The following ERP27 variants were observed in gnomAD, a reference collection of about 807,000 sequenced individuals.
The protein encoded by ERP27 is endoplasmic reticulum protein 27.
ERP27 carries 23 observed loss-of-function variants against 27.7 expected under a neutral mutation model. The observed-to-expected ratio is 0.83, with a 90% confidence interval of 0.60 to 1.18. The LOEUF is 1.18. ERP27 is among the 50% of genes most tolerant of loss of function. The probability of loss-of-function intolerance (pLI) is 0.00; values close to 1 mark genes in which losing one functional copy is unlikely to be tolerated. For missense variants in ERP27, 363 were observed against 327.9 expected, an observed-to-expected ratio of 1.11 and a Z score of -0.83; for synonymous variants, 159 against 118.3, an observed-to-expected ratio of 1.34 and a Z score of -2.23.
At chr12:14,915,078 A>G (rs117725740) in intron 6 of ERP27, among the ~76,000 whole-genome samples, 2 of 152,310 alleles carry the variant, frequency 1.3e-5, no homozygotes, top group Non-Finnish European at 2.9e-5. Flanking sequence ...TAGAGCCCAA[A>G]TAATTTTTTT....
At chr12:14,916,849 T>C (rs1385128227) in intron 5 of ERP27, among the ~76,000 whole-genome samples, 1 of 152,198 alleles carries the variant, frequency 6.6e-6, no homozygotes, top group East Asian at 1.9e-4. Flanking sequence ...TCTAAATCTC[T>C]ATGAAATTAT....
At chr12:14,934,597 G>T (rs1863747209) in intron 3 of ERP27, among the ~76,000 whole-genome samples, 1 of 152,142 alleles carries the variant, frequency 6.6e-6, no homozygotes, top group African/African-American at 2.4e-5. Flanking sequence ...TTAAGTGACT[G>T]CCCAAAGTCA....
chr12:14,923,535 CTA>C (rs1265258602), intron 3 of ERP27, among the ~76,000 whole-genome samples: 1 of 151,288 alleles, frequency 6.6e-6, no homozygotes, highest in African/African-American at 2.4e-5. Flanking sequence ...ATCTATCTAT[CTA>C]TATTACCTAT....
chr12:14,938,350 T>C (rs1863803348), intron 1 of ERP27, 65 bp downstream of exon 1: 2 of 1,504,888 alleles, frequency 1.3e-6, no homozygotes, highest in Non-Finnish European at 1.9e-6. Flanking sequence ...AGAACCACCA[T>C]GCTCCCTTTC....
At chr12:14,929,620 T>G (rs1158670209) in intron 3 of ERP27, among the ~76,000 whole-genome samples, 1 of 152,300 alleles carries the variant, frequency 6.6e-6, no homozygotes, top group African/African-American at 2.4e-5. Flanking sequence ...AAAACAGAAA[T>G]AGTAAACTGG....
chr12:14,914,704 A>C lies in ERP27; in HGVS notation c.*31T>G. ...TGCCTTTTTACTTTGCATAAAGTAG[A>C]TACTTGGCCATATGTAGTTCCAAGG... On this transcript the variant is annotated 3_prime_UTR_variant, in exon 7 of 7. Coordinates refer to ENST00000266397, the MANE Select transcript of ERP27 (RefSeq NM_152321.4). 6.2e-7 allele frequency: 1 copy of C among 1,600,150 alleles called. No homozygotes were observed.
At chr12:14,931,844 A>T (rs1437894980) in intron 3 of ERP27, among the ~76,000 whole-genome samples, 1 of 152,144 alleles carries the variant, frequency 6.6e-6, no homozygotes, top group African/African-American at 2.4e-5. Context: ...AGAAAGAAGT[A>T]GGTGTGGAGT....
intron 3 of ERP27, among the ~76,000 whole-genome samples, chr12:14,922,148 A>C (rs1863513983): frequency 6.6e-6 from 1 of 152,318 alleles, no homozygotes; most frequent in Admixed American, 6.5e-5. Context: ...GTATCCACTG[A>C]GCATATACCT....
intron 3 of ERP27, among the ~76,000 whole-genome samples, chr12:14,927,885 G>T (rs1863630701): frequency 6.6e-6 from 1 of 152,050 alleles, no homozygotes; most frequent in Non-Finnish European, 1.5e-5. Flanking sequence ...TTCAGAACAA[G>T]CTTTCCACCA....
intron 3 of ERP27, chr12:14,928,815 C>A (rs1863651469): frequency 2.3e-6 from 2 of 868,498 alleles, no homozygotes; most frequent in South Asian, 3.1e-5. Context: ...TTAGGTAGAT[C>A]CTTGCCCACC....
At chr12:14,933,289 G>A (rs1316250612) in intron 3 of ERP27, among the ~76,000 whole-genome samples, 2 of 152,162 alleles carry the variant, frequency 1.3e-5, no homozygotes, top group Non-Finnish European at 2.9e-5. Flanking sequence ...AGGTCTCAAA[G>A]AGATTATAAA....
At chr12:14,925,704 A>G (rs575185702) in intron 3 of ERP27, among the ~76,000 whole-genome samples, 1 of 152,180 alleles carries the variant, frequency 6.6e-6, no homozygotes, top group Non-Finnish European at 1.5e-5. Context: ...AATGTTTATC[A>G]GGTCACTTGG....
intron 5 of ERP27, among the ~76,000 whole-genome samples, chr12:14,916,802 C>T (rs931992446): frequency 1.3e-5 from 2 of 152,034 alleles, no homozygotes; most frequent in African/African-American, 4.8e-5. Context: ...GCACCAGGTA[C>T]TTGATAGGTG....
At chr12:14,938,286 C>CT in intron 1 of ERP27, 129 bp downstream of exon 1, 1 of 681,416 alleles carries the variant, frequency 1.5e-6, no homozygotes, top group Non-Finnish European at 2.3e-6. Flanking sequence ...AGGCAAAATG[C>CT]ACTTATCCAG....
At chr12:14,929,154 C>T in intron 3 of ERP27, 1 of 1,414,270 alleles carries the variant, frequency 7.1e-7, no homozygotes, top group South Asian at 1.6e-5. Flanking sequence ...CCTCCCTGTA[C>T]TCTTTTCCGG....
intron 3 of ERP27, among the ~76,000 whole-genome samples, chr12:14,931,934 C>T (rs907426874): frequency 6.6e-6 from 1 of 152,124 alleles, no homozygotes; most frequent in Non-Finnish European, 1.5e-5. Context: ...CCTAACCTTC[C>T]ATATATTCCT....
chr12:14,921,124 T>C, intron 3 of ERP27, 76 bp from the exon 4 acceptor site: 5 of 1,202,914 alleles, frequency 4.2e-6, no homozygotes, highest in Non-Finnish European at 6.1e-6. Flanking sequence ...TAGACCCCCA[T>C]GTGACAGGCA....
chr12:14,924,534 G>A (rs1423671580), intron 3 of ERP27, among the ~76,000 whole-genome samples: 5 of 152,118 alleles, frequency 3.3e-5, no homozygotes, highest in Non-Finnish European at 7.3e-5. Flanking sequence ...CCACACCAGC[G>A]TTTGTTATTT....
At position 14,915,566 on chromosome 12, in the gene ERP27, C is replaced by T; in HGVS notation, c.697G>A (p.Asp233Asn). The T allele has an allele frequency of 6.2e-7, 1 of 1,614,196 alleles. No homozygotes were observed. Among genetic ancestry groups the T allele is most frequent in the East Asian group, 2.2e-5 (1 of 44,878 alleles). The change falls in exon 6 of 7, where the codon GAT (aspartate) becomes AAT (asparagine). Residue 233 changes from aspartate to asparagine, a missense_variant. Transcript: ENST00000266397. Reference sequence around the variant, plus strand: ...GAAACTTCTGCTGTGGGCAGTGTATCCCACTCGTCATCTAGAGTCTGGTAA... The same window carrying T: ...GAAACTTCTGCTGTGGGCAGTGTATTCCACTCGTCATCTAGAGTCTGGTAA... ...AIYQTLDDEW[D>N]TLPTAEVSVE...
Sources: allele counts gnomAD v4.1 joint callset (sites outside exome capture counted in the v4.1 genomes callset), GRCh38; gene constraint gnomAD v4.1.1; transcripts MANE v1.5; gene names NCBI Gene and HGNC (gene_info 2026-07-23, HGNC 2026-07-21).